Variants in WDR27 observed in about 807,000 individuals in gnomAD.
WDR27 encodes the protein WD repeat-containing protein 27.
Under a neutral mutation model 114.4 loss-of-function variants are expected in WDR27, and 100 were observed. The observed-to-expected ratio is 0.87, with a 90% CI of 0.74 to 1.03. The LOEUF is 1.03. Ranked by LOEUF, WDR27 falls within the 50% of genes least tolerant of loss-of-function variation. WDR27 has a pLI of 0.00. For missense variants in WDR27, 1,129 were observed against 1,092.9 expected (o/e 1.03, Z -0.47); for synonymous variants, 449 against 423.1 (o/e 1.06, Z -0.75).
At chr6:169,472,213 G>C (rs1212736171) in intron 25 of WDR27, among the ~76,000 whole-genome samples, 2 of 152,052 alleles carry the variant, frequency 1.3e-5, no homozygotes, top group Non-Finnish European at 2.9e-5. Flanking sequence ...CAATAACAGG[G>C]CTTTTTTAGA....
At chr6:169,595,076 G>C (rs1464050266) in intron 23 of WDR27, among the ~76,000 whole-genome samples, 1 of 152,182 alleles carries the variant, frequency 6.6e-6, no homozygotes, top group Non-Finnish European at 1.5e-5. Context: ...TGGGGCAAGA[G>C]GATGGATTGA....
intron 21 of WDR27, among the ~76,000 whole-genome samples, chr6:169,617,703 G>A (rs1219628235): frequency 2.0e-5 from 3 of 152,080 alleles, no homozygotes; most frequent in South Asian, 2.1e-4. Flanking sequence ...TTATGCAAAT[G>A]GACTTTCTAC....
chr6:169,531,492 G>A (rs1449414491), intron 25 of WDR27, among the ~76,000 whole-genome samples: 1 of 152,144 alleles, frequency 6.6e-6, no homozygotes, highest in Non-Finnish European at 1.5e-5. Context: ...GAGCAGATGG[G>A]CAGCAGACTC....
At chr6:169,575,343 C>T (rs1222681173) in intron 24 of WDR27, among the ~76,000 whole-genome samples, 1 of 124,488 alleles carries the variant, frequency 8.0e-6, no homozygotes, top group Non-Finnish European at 1.7e-5. Context: ...TCCATCCATC[C>T]ATCCCTCCCT....
intron 25 of WDR27, among the ~76,000 whole-genome samples, chr6:169,522,780 T>C (rs570386507): frequency 6.6e-6 from 1 of 151,826 alleles, no homozygotes; most frequent in East Asian, 1.9e-4. Flanking sequence ...TAAAATGTAA[T>C]ATACCAAAAT....
intron 25 of WDR27, among the ~76,000 whole-genome samples, chr6:169,469,529 G>T (rs1786058172): frequency 6.6e-6 from 1 of 152,218 alleles, no homozygotes; most frequent in Non-Finnish European, 1.5e-5. Flanking sequence ...GCACTGAGCA[G>T]GGACATTCCT....
rs561593465 is a variant in WDR27 at position 169,626,173 on chromosome 6, G to A, written c.2223+6774C>T. 2.4e-4 allele frequency among the ~76,000 whole-genome samples: 36 copies of A among 152,316 alleles called. 1 individual carries two copies. In the South Asian group the frequency reaches 7.2e-3, roughly 31 times the overall value. On this transcript the variant is annotated intron_variant, in intron 21 of 25. Coordinates refer to ENST00000448612, the MANE Select transcript of WDR27 (RefSeq NM_182552.5). ...AGTGGGTGATGATAGGCGGAGACAA[G>A]CCCGCGGGGACAGCTGCTGGGGAGC...
At position 169,633,054 on chromosome 6, in the gene WDR27, C is replaced by G; in HGVS notation, c.2116G>C (p.Ala706Pro). ...ACTTCCACGGTCCTGTTCCGGCCAG[C>G]TGCGAGTACGATGTCTGCGATAATC... ...NDFYSHIVLA[A>P]GRNRTVEVFD... Residue 706 changes from alanine to proline, a missense_variant, in exon 21 of 26, where the codon GCT becomes CCT. By Grantham distance (27) the Ala-to-Pro change is conservative (BLOSUM62 -1). Coordinates refer to ENST00000448612, the MANE Select transcript of WDR27 (RefSeq NM_182552.5). 6.3e-7 allele frequency: 1 copy of G among 1,584,940 alleles called. No individual in the cohort carries two copies. The highest frequency in any genetic ancestry group is 8.6e-7 in the Non-Finnish European group (1 of 1,156,956).
chr6:169,443,024 T>A, the WDR27 span, among the ~76,000 whole-genome samples: 1 of 152,198 alleles, frequency 6.6e-6, no homozygotes, highest in African/African-American at 2.4e-5. Context: ...AAAGACAATG[T>A]GATGAGCATT....
At chr6:169,530,034 A>C (rs1795402770) in intron 25 of WDR27, among the ~76,000 whole-genome samples, 1 of 152,246 alleles carries the variant, frequency 6.6e-6, no homozygotes, top group Non-Finnish European at 1.5e-5. Context: ...GAGCAGAACT[A>C]AAATTACAGT....
At chr6:169,569,227 T>A (rs1179677787) in intron 25 of WDR27, among the ~76,000 whole-genome samples, 1 of 147,452 alleles carries the variant, frequency 6.8e-6, no homozygotes, top group Middle Eastern at 3.2e-3. Flanking sequence ...GTTTATAAAT[T>A]TAAAATTCAA....
chr6:169,528,947 A>G (rs1437076752), intron 25 of WDR27, among the ~76,000 whole-genome samples: 1 of 152,250 alleles, frequency 6.6e-6, no homozygotes, highest in Non-Finnish European at 1.5e-5. Flanking sequence ...GCTATTAAAC[A>G]GTGAAGACAC....
the WDR27 span, among the ~76,000 whole-genome samples, chr6:169,450,483 C>T: frequency 6.6e-6 from 1 of 152,202 alleles, no homozygotes; most frequent in Non-Finnish European, 1.5e-5. Context: ...GGCCCTCACC[C>T]AACCACCACT....
chr6:169,600,397 A>G (rs1307710471), intron 23 of WDR27, among the ~76,000 whole-genome samples: 1 of 152,224 alleles, frequency 6.6e-6, no homozygotes, highest in East Asian at 1.9e-4. Context: ...AACTCTAAAA[A>G]TCAGAGCACC....
chr6:169,634,451 G>A lies in WDR27; in HGVS notation c.2078C>T (p.Ser693Leu), dbSNP rs369713812. The A allele has an allele frequency of 2.0e-5, 33 of 1,612,830 alleles. No homozygotes were observed. The African/African-American group carries it at 2.4e-4, about 12-fold the overall frequency. ...ACGGGAATAAAAGTCGTTGACTGCC[G>A]ATAAACTGGTCATGTCTACTGCACC... ...TTGAVDMTSLSAVNDFYSHIV... is the reference protein window; with the variant it reads ...TTGAVDMTSLLAVNDFYSHIV... The change falls in exon 20 of 26, where the codon TCG becomes TTG. Residue 693 changes from serine (S) to leucine (L), a missense_variant. By Grantham distance (145) the Ser-to-Leu change is moderately radical (BLOSUM62 -2). Coordinates refer to ENST00000448612, the MANE Select transcript of WDR27 (RefSeq NM_182552.5).
chr6:169,658,922 C>T (rs988508278), intron 12 of WDR27, among the ~76,000 whole-genome samples, 164 bp downstream of exon 12: 2 of 152,124 alleles, frequency 1.3e-5, no homozygotes, highest in Admixed American at 6.5e-5. Flanking sequence ...CTCCTGACCT[C>T]GTGATCCACC....
At chr6:169,443,344 T>G in the WDR27 span, among the ~76,000 whole-genome samples, 1 of 152,264 alleles carries the variant, frequency 6.6e-6, no homozygotes. Context: ...ATAGCCATGA[T>G]TCATCTTAAT....
intron 6 of WDR27, among the ~76,000 whole-genome samples, chr6:169,665,985 T>A (rs1254402588): frequency 6.6e-6 from 1 of 152,200 alleles, no homozygotes; most frequent in Non-Finnish European, 1.5e-5. Flanking sequence ...AATTATGGAC[T>A]TAGTGATGAA....
chr6:169,656,969 G>C (rs549185797), intron 13 of WDR27, among the ~76,000 whole-genome samples: 1 of 152,132 alleles, frequency 6.6e-6, no homozygotes, highest in African/African-American at 2.4e-5. Flanking sequence ...GCCTCCCCCC[G>C]GCCTTCATTC....
Sources: gnomAD v4.1 joint callset for allele counts (sites outside exome capture counted in the v4.1 genomes callset) on GRCh38, gnomAD v4.1.1 for gene constraint, MANE v1.5 for transcripts, NCBI Gene and HGNC (gene_info 2026-07-23, HGNC 2026-07-21) for gene names.